Variants in TMEM59 observed in about 807,000 individuals in gnomAD.
TMEM59 encodes transmembrane protein 59, also known as dendritic cell factor 1.
Under a neutral mutation model 42.2 loss-of-function variants are expected in TMEM59, and 44 were observed. The observed-to-expected ratio is 1.04, with a 90% CI of 0.82 to 1.34. The LOEUF (loss-of-function observed/expected upper bound fraction) is 1.34. Ranked by LOEUF, TMEM59 falls within the 40% of genes most tolerant of loss-of-function variation. The pLI is 0.00. For missense variants in TMEM59, 359 were observed against 382.8 expected, an observed-to-expected ratio of 0.94 and a Z score of 0.52; for synonymous variants, 148 against 145.8, an observed-to-expected ratio of 1.02 and a Z score of -0.11.
At chr1:54,041,249 C>T (rs1657127888) in intron 5 of TMEM59, among the ~76,000 whole-genome samples, 1 of 152,148 alleles carries the variant, frequency 6.6e-6, no homozygotes, top group Non-Finnish European at 1.5e-5. Flanking sequence ...TCTGCTTTAG[C>T]TTGATGTTTT....
chr1:54,038,039 C>A (rs943503592), intron 6 of TMEM59, among the ~76,000 whole-genome samples: 2 of 152,126 alleles, frequency 1.3e-5, no homozygotes, highest in African/African-American at 4.8e-5. Flanking sequence ...TTATCTACTG[C>A]CCTAATCCAG....
rs1470027392 is a variant in TMEM59, at chr1:54,030,531, G to A, written c.*1619C>T. The A allele has an allele frequency of 3.3e-5, 5 of 152,442 alleles. No homozygotes were observed. Among genetic ancestry groups the A allele is most frequent in the Non-Finnish European group, 7.3e-5 (5 of 68,342 alleles). The allele number at this position is 152,442 out of a possible 1,614,324, so 9.4% of individuals were successfully genotyped here. A position where few individuals can be genotyped will look rare whatever the true frequency, so the allele number is the denominator to read the frequency against. ...TGGTCTCGAACTCCTGACCTCAAGT[G>A]ATCCTCCTGCTTTGGCCTCCCAAAG... is the stretch of plus-strand genomic sequence containing the variant. On this transcript the variant is annotated 3_prime_UTR_variant, in exon 8 of 8. Transcript: ENST00000234831.
intron 1 of TMEM59, among the ~76,000 whole-genome samples, 155 bp downstream of exon 1, chr1:54,052,845 A>G (rs1657602448): frequency 1.3e-5 from 2 of 152,212 alleles, no homozygotes; most frequent in South Asian, 4.1e-4. Flanking sequence ...AATGGGGTGC[A>G]GGCAGGATTA....
chr1:54,041,630 T>C (rs1657139955), intron 5 of TMEM59, 94 bp downstream of exon 5: 2 of 959,482 alleles, frequency 2.1e-6, no homozygotes, highest in Admixed American at 2.0e-5. Flanking sequence ...TATCTGTTTA[T>C]GTTCCATCAG....
intron 4 of TMEM59, among the ~76,000 whole-genome samples, chr1:54,042,051 G>GTTTTT (rs753841730): frequency 2.8e-5 from 4 of 143,256 alleles, no homozygotes; most frequent in African/African-American, 7.8e-5. Context: ...ACAACGTTTT[G>GTTTTT]TTTTGTTTTT....
chr1:54,036,036 C>T (rs910990635), intron 7 of TMEM59, among the ~76,000 whole-genome samples: 6 of 152,200 alleles, frequency 3.9e-5, no homozygotes, highest in Non-Finnish European at 5.9e-5. Context: ...GTAATCCCAA[C>T]ACTTTGGGAG....
chr1:54,032,772 A>G (rs1656806943), intron 7 of TMEM59, among the ~76,000 whole-genome samples: 1 of 152,258 alleles, frequency 6.6e-6, no homozygotes, highest in Non-Finnish European at 1.5e-5. Context: ...AAGTTCCTTA[A>G]TTGTTAATAC....
chr1:54,039,402 C>G (rs1657063471), intron 6 of TMEM59, among the ~76,000 whole-genome samples: 1 of 152,106 alleles, frequency 6.6e-6, no homozygotes, highest in Non-Finnish European at 1.5e-5. Context: ...TTAGGTTTCA[C>G]AGAACTATCA....
At chr1:54,052,933 AT>A in intron 1 of TMEM59, 66 bp downstream of exon 1, 1 of 1,532,242 alleles carries the variant, frequency 6.5e-7, no homozygotes, top group Non-Finnish European at 8.8e-7. Flanking sequence ...CAGAGCCGAC[AT>A]ACGTGTGGGG....
chr1:54,048,293 T>C (rs959899109), intron 1 of TMEM59, among the ~76,000 whole-genome samples: 32 of 152,270 alleles, frequency 2.1e-4, no homozygotes, highest in African/African-American at 7.5e-4. Flanking sequence ...ATCAAACCTT[T>C]TGGGTGAGTG....
At chr1:54,039,672 T>C (rs1159926535) in intron 6 of TMEM59, among the ~76,000 whole-genome samples, 1 of 152,216 alleles carries the variant, frequency 6.6e-6, no homozygotes, top group Non-Finnish European at 1.5e-5. Context: ...TGCAGTTTTA[T>C]ACTTGAGATA....
In TMEM59 at chr1:54,030,163, G is replaced by T. The variant is rs191206585; in HGVS notation, c.*1987C>A. ...GCTTTAAAAAAAAAAAAAAAGATGG[G>T]ATTCTCATTATATTGCCCAGGATGG... On this transcript the variant is annotated 3_prime_UTR_variant, in exon 8 of 8. Transcript: ENST00000234831. 6.6e-6 allele frequency: 1 copy of T among 152,044 alleles called. No individual in the cohort carries two copies. The highest frequency in any genetic ancestry group is 1.5e-5 in the Non-Finnish European group (1 of 67,988). 9.4% of individuals were successfully genotyped at this position (152,044 alleles called of 1,614,324 possible).
intron 7 of TMEM59, among the ~76,000 whole-genome samples, chr1:54,032,661 A>G (rs1352020397): frequency 2.0e-5 from 3 of 152,244 alleles, no homozygotes; most frequent in African/African-American, 7.2e-5. Context: ...TTTTAGCTTA[A>G]CATGTATGGA....
At chr1:54,046,114 TC>T (rs1657325237) in intron 2 of TMEM59, among the ~76,000 whole-genome samples, 2 of 152,206 alleles carry the variant, frequency 1.3e-5, no homozygotes, top group Non-Finnish European at 2.9e-5. Flanking sequence ...AAGGTTTAGT[TC>T]CATCATTTGT....
Position 54,036,687 on chromosome 1 carries a change from C to T in TMEM59, c.739G>A (p.Val247Ile). The part of the protein sequence containing the change: ...NSGWILTTTL[V>I]LSVMVLLWIC... Reference sequence around the variant, plus strand: ...CAAAGCAATACCATCACCGAGAGGACAAGAGTTGTAGTTAAAATCCACCCA... The same window carrying T: ...CAAAGCAATACCATCACCGAGAGGATAAGAGTTGTAGTTAAAATCCACCCA... The change falls in exon 7 of 8, where the codon GTC (valine) becomes ATC (isoleucine). Residue 247 changes from valine (V) to isoleucine (I), a missense_variant. Coordinates refer to ENST00000234831, the MANE Select transcript of TMEM59 (RefSeq NM_004872.5). 1 of 1,605,036 alleles carries T rather than the reference C, an allele frequency of 6.2e-7. No individual in the cohort carries two copies. Among genetic ancestry groups the T allele is most frequent in the African/African-American group, 1.3e-5 (1 of 74,160 alleles).
chr1:54,045,579 GC>G (rs1489110409), intron 3 of TMEM59, 112 bp downstream of exon 3: 1 of 1,059,902 alleles, frequency 9.4e-7, no homozygotes, highest in African/African-American at 1.6e-5. Flanking sequence ...TTTGCTGAAA[GC>G]CAAATATAAA....
intron 1 of TMEM59, among the ~76,000 whole-genome samples, chr1:54,050,996 TC>T (rs1657518751): frequency 6.6e-6 from 1 of 151,918 alleles, no homozygotes; most frequent in South Asian, 2.1e-4. Context: ...CTACAGGTGC[TC>T]GTCTCCATGC....
rs1656777029 is a variant in TMEM59 at position 54,031,936 on chromosome 1, AAAT to A, written c.*211_*213del. On this transcript the variant is annotated 3_prime_UTR_variant, in exon 8 of 8. Coordinates refer to ENST00000234831, the MANE Select transcript of TMEM59 (RefSeq NM_004872.5). ...AACAAAATAGCTACAGATATTAGTA[AAAT>A]AATAATACAATCCCAAACATCCACC... 6 of 414,154 alleles carry A rather than the reference AAAT, an allele frequency of 1.4e-5. No individual in the cohort carries two copies. Among genetic ancestry groups the A allele is most frequent in the East Asian group, 3.8e-5 (1 of 26,200 alleles). 25.7% of individuals were successfully genotyped at this position (414,154 alleles called of 1,614,324 possible).
intron 3 of TMEM59, chr1:54,044,737 A>ATCAT (rs1657270765): frequency 6.6e-6 from 1 of 152,150 alleles, no homozygotes; most frequent in African/African-American, 2.4e-5. Context: ...CAAAATAGGT[A>ATCAT]TCATTTACAA....
Sources: allele counts gnomAD v4.1 joint callset (sites outside exome capture counted in the v4.1 genomes callset), GRCh38; gene constraint gnomAD v4.1.1; transcripts MANE v1.5; gene names NCBI Gene and HGNC (gene_info 2026-07-23, HGNC 2026-07-21).